POU6F2: variants seen among roughly 807,000 people sequenced by gnomAD.
POU6F2 encodes the protein POU domain, class 6, transcription factor 2.
POU6F2 carries 31 observed loss-of-function variants against 71.3 expected under a neutral mutation model. The ratio of observed to expected loss-of-function variants is 0.43; its 90% CI spans 0.33 to 0.59. The LOEUF is 0.59. Among genes scored for constraint, POU6F2 ranks in the 20% least tolerant of loss-of-function variants. POU6F2 has a pLI of 0.04. For synonymous variants in POU6F2, 347 were observed against 355.7 expected (o/e 0.98, Z 0.27); for missense variants, 783 against 856.8 (o/e 0.91, Z 1.07).
intron 1 of POU6F2, chr7:39,006,753 C>A: frequency 8.5e-7 from 1 of 1,182,116 alleles, no homozygotes; most frequent in Non-Finnish European, 1.3e-6. Context: ...GGGTTTTCTT[C>A]TAGGCATGAA....
intron 5 of POU6F2, 66 bp from the exon 6 acceptor site, chr7:39,406,534 G>A: frequency 6.4e-7 from 1 of 1,565,612 alleles, no homozygotes; most frequent in East Asian, 2.2e-5. Context: ...CAGAGTCAAT[G>A]TTGTGTCCGT....
At chr7:39,053,817 A>G (rs536625947) in intron 1 of POU6F2, among the ~76,000 whole-genome samples, 29 of 152,258 alleles carry the variant, frequency 1.9e-4, no homozygotes, top group African/African-American at 6.7e-4. Context: ...AATTTAAAAA[A>G]AAAGACCAGC....
chr7:39,373,813 AT>A (rs1241438313), intron 5 of POU6F2: 1 of 183,326 alleles, frequency 5.5e-6, no homozygotes, highest in Non-Finnish European at 1.2e-5. Context: ...TATAATGCCC[AT>A]ACTCTTTGTA....
chr7:39,398,391 T>TA (rs75282740), intron 5 of POU6F2, among the ~76,000 whole-genome samples: 2,931 of 116,960 alleles, frequency 0.025, 63 homozygotes, highest in East Asian at 0.061. Flanking sequence ...TATATAAAAG[T>TA]AAAAAAAAAA....
At chr7:39,219,321 C>G (rs1337682272) in intron 4 of POU6F2, among the ~76,000 whole-genome samples, 3 of 152,092 alleles carry the variant, frequency 2.0e-5, no homozygotes, top group Non-Finnish European at 4.4e-5. Context: ...AGTGTTTGCT[C>G]TTTTGCTGAA....
intron 2 of POU6F2, among the ~76,000 whole-genome samples, chr7:39,154,718 C>G (rs922031464): frequency 9.2e-5 from 14 of 151,854 alleles, no homozygotes; most frequent in African/African-American, 2.9e-4. Context: ...GCCTCCTAGC[C>G]AAGTTGAAAA....
Position 39,433,107 on chromosome 7 carries a change from C to T in POU6F2, c.1144C>T (p.Pro382Ser), listed in dbSNP as rs1788148580. 5 of 1,613,512 alleles carry T rather than the reference C, an allele frequency of 3.1e-6. No individual in the cohort carries two copies. Among genetic ancestry groups the T allele is most frequent in the Non-Finnish European group, 4.2e-6 (5 of 1,179,610 alleles). Residue 382 changes from proline (P) to serine (S), a missense_variant, in exon 7 of 10, where the codon CCA becomes TCA. Pro to Ser is a moderately conservative substitution (Grantham distance 74, BLOSUM62 -1). Transcript: ENST00000518318. ...CGGGACCATTCCACTGATGCCTAAT[C>T]CAGGGCCATCGAGCCAAGCAGCAAG... Reference protein sequence around the residue: ...IIGTIPLMPNPGPSSQAASGT... With the variant: ...IIGTIPLMPNSGPSSQAASGT...
At chr7:39,005,695 ATGGACTACTGTC>A (rs779489450) in intron 1 of POU6F2, among the ~76,000 whole-genome samples, 11 of 151,994 alleles carry the variant, frequency 7.2e-5, no homozygotes, top group Non-Finnish European at 1.6e-4. Context: ...ATGCAAGAGA[ATGGACTACTGTC>A]TGGTTTGGGT....
chr7:39,294,620 G>A (rs1220661653), intron 4 of POU6F2, among the ~76,000 whole-genome samples: 1 of 152,018 alleles, frequency 6.6e-6, no homozygotes, highest in African/African-American at 2.4e-5. Context: ...GGACCAAAAT[G>A]TTGTTTCACT....
At chr7:38,997,001 T>C (rs1337269796) in intron 1 of POU6F2, among the ~76,000 whole-genome samples, 1 of 152,186 alleles carries the variant, frequency 6.6e-6, no homozygotes, top group Non-Finnish European at 1.5e-5. Context: ...TCCTCTCTAG[T>C]CTTCCTGTTC....
At chr7:39,085,124 C>T (rs1584534706) in intron 1 of POU6F2, 1 of 152,036 alleles carries the variant, frequency 6.6e-6, no homozygotes, top group East Asian at 1.9e-4. Context: ...TTATTGAACA[C>T]AGTTTGTAAG....
chr7:39,335,819 C>G (rs1026937695), intron 4 of POU6F2, among the ~76,000 whole-genome samples: 1 of 152,214 alleles, frequency 6.6e-6, no homozygotes, highest in South Asian at 2.1e-4. Flanking sequence ...TTTCTCGAAG[C>G]CATTGGGGTG....
chr7:39,464,735 C>CT lies in POU6F2; in HGVS notation c.*49_*50insT, dbSNP rs1789030118. The CT allele has an allele frequency of 6.5e-7, 1 of 1,530,914 alleles. No individual in the cohort carries two copies. The highest frequency in any genetic ancestry group is 1.4e-5 in the African/African-American group (1 of 72,348). 94.8% of individuals were successfully genotyped at this position (1,530,914 alleles called of 1,614,324 possible). A position where few individuals can be genotyped will look rare whatever the true frequency, so the allele number is the denominator to read the frequency against. On this transcript the variant is annotated 3_prime_UTR_variant, in exon 10 of 10. Coordinates refer to ENST00000518318, the MANE Select transcript of POU6F2 (RefSeq NM_001370959.1). The surrounding 1 kb of genome is among the most constrained non-coding windows in gnomAD (Gnocchi z 4.1). ...AGCAAAATTCACAGAAACTAAACTC[C>CT]ACCCTTGGGACTCCACAACAACAAC...
Position 39,015,467 on chromosome 7 carries a change from T to C in POU6F2, c.105+37409T>C, listed in dbSNP as rs555843022. 3.8e-3 allele frequency among the ~76,000 whole-genome samples: 458 copies of C among 120,504 alleles called. 2 individuals are homozygous for C. The highest frequency in any genetic ancestry group is 0.011 in the Middle Eastern group (1 of 88). 79.1% of individuals were successfully genotyped at this position (120,504 alleles called of 152,430 possible). On this transcript the variant is annotated intron_variant, in intron 1 of 9. Coordinates refer to ENST00000518318, the MANE Select transcript of POU6F2 (RefSeq NM_001370959.1). ...TCTAATATATATTATTATATATAGA[T>C]ATATTATATCTATGTTTTATATAGA...
intron 1 of POU6F2, among the ~76,000 whole-genome samples, chr7:39,017,005 G>A (rs1789568264): frequency 6.6e-6 from 1 of 152,122 alleles, no homozygotes; most frequent in African/African-American, 2.4e-5. Context: ...CCTTTGGGAG[G>A]GGAAGGCTGG....
intron 2 of POU6F2, among the ~76,000 whole-genome samples, chr7:39,112,289 G>A (rs755678393): frequency 5.9e-5 from 9 of 152,266 alleles, no homozygotes; most frequent in East Asian, 1.9e-4. Flanking sequence ...TTAAGTGAGC[G>A]AATTCAGGTA....
rs73384919 is a variant in POU6F2 at position 39,312,607 on chromosome 7, A to T, written c.599-27035A>T. On this transcript the variant is annotated intron_variant, in intron 4 of 9. Transcript: ENST00000518318. Reference sequence around the variant, plus strand: ...TCTATGTACTATGTTTTCCCTTATTAAGTTGAGAACTTTCACCTTTTCACT... The same window carrying T: ...TCTATGTACTATGTTTTCCCTTATTTAGTTGAGAACTTTCACCTTTTCACT... Among the ~76,000 whole-genome samples the T allele has an allele frequency of 3.6e-3, 544 of 152,322 alleles. 1 individual carries two copies. The highest frequency in any genetic ancestry group is 0.012 in the African/African-American group (513 of 41,570).
intron 8 of POU6F2, among the ~76,000 whole-genome samples, chr7:39,459,974 G>A (rs1788907559): frequency 6.6e-6 from 1 of 152,070 alleles, no homozygotes; most frequent in South Asian, 2.1e-4. Flanking sequence ...TATCATTCTC[G>A]CAGTTTCATA....
intron 4 of POU6F2, among the ~76,000 whole-genome samples, chr7:39,338,218 G>T (rs1785822596): frequency 6.6e-6 from 1 of 152,206 alleles, no homozygotes; most frequent in Non-Finnish European, 1.5e-5. Context: ...CCTCCAGACT[G>T]CAGAAGATCT....
Sources: gnomAD v4.1 joint callset for allele counts (sites outside exome capture counted in the v4.1 genomes callset) on GRCh38, gnomAD v4.1.1 for gene constraint, Gnocchi (gnomAD v3.1) non-coding constraint, MANE v1.5 for transcripts, NCBI Gene and HGNC (gene_info 2026-07-23, HGNC 2026-07-21) for gene names.